CACNA1A: variants seen among roughly 807,000 people sequenced by gnomAD.
CACNA1A encodes the protein calcium voltage-gated channel subunit alpha1 A, also known as voltage-dependent P/Q-type calcium channel subunit alpha-1A.
In CACNA1A, 57 loss-of-function variants were observed where a neutral mutation model predicts 262.4. The observed-to-expected ratio is 0.22, with a 90% CI of 0.18 to 0.27. The LOEUF (loss-of-function observed/expected upper bound fraction) is 0.27, where lower values mean the gene tolerates loss of function less well. CACNA1A is among the 10% of genes least tolerant of loss of function. CACNA1A has a pLI of 1.00. For synonymous variants in CACNA1A, 1,431 were observed against 1,419.3 expected, an observed-to-expected ratio of 1.01 and a Z score of -0.18; for missense variants, 2,526 against 3,562.8, an observed-to-expected ratio of 0.71 and a Z score of 7.41.
intron 1 of CACNA1A, among the ~76,000 whole-genome samples, chr19:13,482,306 A>AC (rs772286009): frequency 2.0e-5 from 3 of 151,588 alleles, no homozygotes; most frequent in Non-Finnish European, 4.4e-5. Context: ...TAGCAGTGAA[A>AC]CCCCGTCTCT....
At chr19:13,454,027 G>C (rs545621957) in intron 2 of CACNA1A, among the ~76,000 whole-genome samples, 4 of 151,992 alleles carry the variant, frequency 2.6e-5, no homozygotes, top group African/African-American at 9.6e-5. Flanking sequence ...AAACCCTTGG[G>C]ATCTCCAAAG....
At chr19:13,460,268 G>A (rs1193851096) in intron 1 of CACNA1A, among the ~76,000 whole-genome samples, 1 of 152,160 alleles carries the variant, frequency 6.6e-6, no homozygotes, top group Non-Finnish European at 1.5e-5. Flanking sequence ...AGTTTAGGAA[G>A]TGCTAAGTGC....
chr19:13,477,333 C>T (rs191440709), intron 1 of CACNA1A, among the ~76,000 whole-genome samples: 298 of 152,352 alleles, frequency 2.0e-3, no homozygotes, highest in Non-Finnish European at 3.2e-3. Context: ...AACTTACCTA[C>T]TATTTTTGTT....
At chr19:13,240,226 T>C (rs1315204068) in intron 31 of CACNA1A, among the ~76,000 whole-genome samples, 1 of 151,454 alleles carries the variant, frequency 6.6e-6, no homozygotes, top group East Asian at 1.9e-4. Flanking sequence ...GTCATGACTA[T>C]GTGCAGTGTC....
intron 3 of CACNA1A, among the ~76,000 whole-genome samples, chr19:13,412,465 C>A (rs116138350): frequency 1.3e-5 from 2 of 150,982 alleles, no homozygotes; most frequent in Admixed American, 1.3e-4. Flanking sequence ...TATTTATAAC[C>A]TTTCTTTTTT....
At chr19:13,339,834 G>C (rs189829194) in intron 6 of CACNA1A, among the ~76,000 whole-genome samples, 61 of 151,308 alleles carry the variant, frequency 4.0e-4, no homozygotes, top group African/African-American at 1.4e-3. Context: ...CATGGACACA[G>C]ACAGGTTCTG....
intron 31 of CACNA1A, 126 bp downstream of exon 31, chr19:13,245,055 TG>T: frequency 3.8e-6 from 3 of 784,050 alleles, no homozygotes; most frequent in Non-Finnish European, 6.4e-6. Context: ...TCTCTGGTCA[TG>T]GCCAAGTGCT....
chr19:13,255,748 C>T (rs2056541931), intron 28 of CACNA1A, among the ~76,000 whole-genome samples: 1 of 117,376 alleles, frequency 8.5e-6, no homozygotes, highest in African/African-American at 3.2e-5. Context: ...TCCCTCCCTC[C>T]CTCCTTCCCT....
In CACNA1A at chr19:13,286,524, G is replaced by C. The variant is rs556266465; in HGVS notation, c.3532C>G (p.Leu1178Val). Residue 1178 changes from leucine (L) to valine (V), a missense_variant, in exon 20 of 47, where the codon CTC becomes GTC. Around this residue, in one of 17 missense-constraint regions of CACNA1A, gnomAD observed 765 missense variants for 748.6 expected, o/e 1.02. Transcript: ENST00000360228. ...VDIPPACPPP[L>V]NHTVVQVNKN... Reference sequence around the variant, plus strand: ...TCACCTTGTACGACGGTGTGGTTGAGGGGGGGTGGGCAGGCTGGGGGGATG... The same window carrying C: ...TCACCTTGTACGACGGTGTGGTTGACGGGGGGTGGGCAGGCTGGGGGGATG... 1.1e-5 allele frequency: 16 copies of C among 1,470,004 alleles called. No homozygotes were observed. In the Admixed American group the frequency reaches 2.2e-4, roughly 20 times the overall value. The allele number at this position is 1,470,004 out of a possible 1,614,324, so 91.1% of individuals were successfully genotyped here. A position where few individuals can be genotyped will look rare whatever the true frequency, so the allele number is the denominator to read the frequency against.
intron 3 of CACNA1A, among the ~76,000 whole-genome samples, chr19:13,396,695 G>A (rs2059817475): frequency 6.6e-6 from 1 of 152,198 alleles, no homozygotes; most frequent in Non-Finnish European, 1.5e-5. Context: ...ACATAATCGA[G>A]GGCGTGCAGT....
At chr19:13,342,727 C>T (rs2058695702) in intron 6 of CACNA1A, among the ~76,000 whole-genome samples, 1 of 152,124 alleles carries the variant, frequency 6.6e-6, no homozygotes, top group Non-Finnish European at 1.5e-5. Flanking sequence ...TCTGGAATAG[C>T]AAGTGGCAAT....
chr19:13,345,578 T>C (rs569891833), intron 6 of CACNA1A, among the ~76,000 whole-genome samples: 1 of 152,206 alleles, frequency 6.6e-6, no homozygotes, highest in East Asian at 1.9e-4. Flanking sequence ...CTAATTTTTT[T>C]GAGCATGGTT....
At chr19:13,263,583 G>A (rs2056791546) in intron 24 of CACNA1A, 1 of 152,424 alleles carries the variant, frequency 6.6e-6, no homozygotes, top group Admixed American at 6.6e-5. Flanking sequence ...GCAATGGTAT[G>A]ATCTTGGCTC....
In CACNA1A at chr19:13,260,197, C is replaced by T. The variant is rs550781452; in HGVS notation, c.4251-496G>A. ...TAGCCATCAAGATAACAACAGGCTACCATGTGTTGCAAAATGCCACTTTAC... is the reference window on the plus strand; with the variant it reads ...TAGCCATCAAGATAACAACAGGCTATCATGTGTTGCAAAATGCCACTTTAC... On this transcript the variant is annotated intron_variant, in intron 26 of 46. Transcript: ENST00000360228. 7 of 157,126 alleles carry T rather than the reference C, an allele frequency of 4.5e-5. No individual in the cohort carries two copies. In the South Asian group the frequency reaches 1.3e-3, roughly 30 times the overall value. 9.7% of individuals were successfully genotyped at this position (157,126 alleles called of 1,614,324 possible). A position where few individuals can be genotyped will look rare whatever the true frequency, so the allele number is the denominator to read the frequency against.
chr19:13,278,625 C>T (rs1210522483), intron 22 of CACNA1A, among the ~76,000 whole-genome samples: 3 of 152,124 alleles, frequency 2.0e-5, no homozygotes, highest in East Asian at 3.9e-4. Context: ...GTCCATCTCC[C>T]CCACCCAAAT....
At chr19:13,255,993 CT>C (rs542786434) in intron 28 of CACNA1A, among the ~76,000 whole-genome samples, 15,285 of 114,938 alleles carry the variant, frequency 0.13, 864 homozygotes, top group African/African-American at 0.15. Flanking sequence ...TCCCTCCTTC[CT>C]TTTTTTTTTT....
intron 31 of CACNA1A, among the ~76,000 whole-genome samples, chr19:13,243,340 T>C (rs2056131962): frequency 6.6e-6 from 1 of 152,120 alleles, no homozygotes. Context: ...GCGGGTGCCG[T>C]AGGACATATC....
chr19:13,358,664 T>G (rs1209074280), intron 6 of CACNA1A, among the ~76,000 whole-genome samples: 1 of 152,174 alleles, frequency 6.6e-6, no homozygotes, highest in Non-Finnish European at 1.5e-5. Context: ...GGAAGTAGCA[T>G]GCAAGTGGGG....
At chr19:13,383,772 G>A (rs1166377831) in intron 3 of CACNA1A, among the ~76,000 whole-genome samples, 4 of 152,066 alleles carry the variant, frequency 2.6e-5, no homozygotes, top group African/African-American at 9.7e-5. Flanking sequence ...TAGCTAAAGA[G>A]ATCCTGCCTC....
Sources: gnomAD v4.1 joint callset for allele counts (sites outside exome capture counted in the v4.1 genomes callset) on GRCh38, gnomAD v4.1.1 for gene constraint, gnomAD v4.1.1 regional missense constraint, MANE v1.5 for transcripts, NCBI Gene and HGNC (gene_info 2026-07-23, HGNC 2026-07-21) for gene names.